ARHGAP22: variants seen among roughly 807,000 people sequenced by gnomAD.
ARHGAP22 encodes the protein rho GTPase-activating protein 22.
Under a neutral mutation model 59.1 loss-of-function variants are expected in ARHGAP22, and 48 were observed. That is an observed-to-expected ratio of 0.81 (90% CI 0.64 to 1.03). The LOEUF (loss-of-function observed/expected upper bound fraction) is 1.03, where lower values mean the gene tolerates loss of function less well. Among genes scored for constraint, ARHGAP22 ranks in the 50% least tolerant of loss-of-function variants. ARHGAP22 has a pLI of 0.00. For synonymous variants in ARHGAP22, 445 were observed against 416.4 expected (o/e 1.07, Z -0.84); for missense variants, 1,015 against 958.7 (o/e 1.06, Z -0.78).
At chr10:48,442,766 G>C (rs1362138617), downstream of ARHGAP22, among the ~76,000 whole-genome samples, 1 of 152,230 alleles carries the variant, frequency 6.6e-6, no homozygotes, top group Non-Finnish European at 1.5e-5. Flanking sequence ...AAGGGAAAGA[G>C]GAAATAATTA....
chr10:48,454,023 T>A, intron 7 of ARHGAP22, 65 bp downstream of exon 7: 1 of 1,511,532 alleles, frequency 6.6e-7, no homozygotes, highest in South Asian at 1.1e-5. Context: ...CGTGTCTCGC[T>A]GTGGGGTTGG....
intron 1 of ARHGAP22, among the ~76,000 whole-genome samples, chr10:48,627,955 C>G (rs2061505671): frequency 6.6e-6 from 1 of 152,224 alleles, no homozygotes. Context: ...GTTCCTTACC[C>G]TGCACAAGAG....
At chr10:48,554,930 A>G (rs932977171) in intron 3 of ARHGAP22, among the ~76,000 whole-genome samples, 2 of 152,176 alleles carry the variant, frequency 1.3e-5, no homozygotes, top group Non-Finnish European at 2.9e-5. Context: ...TGCCATGTAC[A>G]CTGGCTTCTC....
In ARHGAP22 at chr10:48,584,469, C is replaced by G. The variant is rs574467913; in HGVS notation, c.35-1317G>C. On this transcript the variant is annotated intron_variant, in intron 1 of 9. Transcript: ENST00000249601. ...CTCCTCCAAATAGTCACTCCCTCCCCTACCAGGACAGGTGGCCCATGGCTG... is the reference window on the plus strand; with the variant it reads ...CTCCTCCAAATAGTCACTCCCTCCCGTACCAGGACAGGTGGCCCATGGCTG... 9.8e-5 allele frequency among the ~76,000 whole-genome samples: 15 copies of G among 152,340 alleles called. No individual in the cohort carries two copies. In the South Asian group the frequency reaches 3.1e-3, roughly 32 times the overall value.
At chr10:48,455,218 G>T in intron 5 of ARHGAP22, 84 bp from the exon 6 acceptor site, 1 of 1,432,834 alleles carries the variant, frequency 7.0e-7, no homozygotes, top group East Asian at 2.4e-5. Context: ...ACGCCAAGGG[G>T]CAGCCTCTGG....
intron 1 of ARHGAP22, among the ~76,000 whole-genome samples, chr10:48,650,807 T>G (rs1216920856): frequency 6.6e-6 from 1 of 152,116 alleles, no homozygotes; most frequent in East Asian, 1.9e-4. Context: ...AGATATTAGG[T>G]ATTAGGCTTG....
rs528902868 is a variant in ARHGAP22 at position 48,641,692 on chromosome 10, G to T, written c.52+10542C>A. Among the ~76,000 whole-genome samples, 84 of 152,296 alleles carry T rather than the reference G, an allele frequency of 5.5e-4. 1 individual carries two copies. The highest frequency in any genetic ancestry group is 5.1e-4 in the Non-Finnish European group (35 of 68,016). On this transcript the variant is annotated intron_variant, in intron 1 of 9. Coordinates refer to the ARHGAP22 transcript ENST00000435790. ...CCCTTTGAAAACTGGCACAAGACAGGGATGCCCTCTCTCACCACTCCTATT... is the reference window on the plus strand; with the variant it reads ...CCCTTTGAAAACTGGCACAAGACAGTGATGCCCTCTCTCACCACTCCTATT...
intron 3 of ARHGAP22, among the ~76,000 whole-genome samples, chr10:48,539,333 C>G (rs1227873241): frequency 7.3e-6 from 1 of 136,196 alleles, no homozygotes; most frequent in Non-Finnish European, 1.5e-5. Flanking sequence ...GCTCTGTCGC[C>G]CAGGCTGGAG....
chr10:48,596,589 T>C (rs2060080811), intron 1 of ARHGAP22, among the ~76,000 whole-genome samples: 1 of 152,132 alleles, frequency 6.6e-6, no homozygotes, highest in African/African-American at 2.4e-5. Flanking sequence ...TGGCTCCACT[T>C]CCAGGCTTTT....
intron 4 of ARHGAP22, among the ~76,000 whole-genome samples, chr10:48,477,256 A>G (rs568369516): frequency 1.3e-5 from 2 of 152,198 alleles, no homozygotes; most frequent in Non-Finnish European, 2.9e-5. Flanking sequence ...TCAACTTTAT[A>G]TAGGTAGATA....
At chr10:48,544,296 T>C (rs561150595) in intron 3 of ARHGAP22, among the ~76,000 whole-genome samples, 12 of 152,356 alleles carry the variant, frequency 7.9e-5, no homozygotes, top group African/African-American at 2.4e-4. Context: ...GGTTCTTTTA[T>C]TGAGCAAATG....
chr10:48,485,343 C>A (rs1422756346), intron 3 of ARHGAP22, among the ~76,000 whole-genome samples: 1 of 152,102 alleles, frequency 6.6e-6, no homozygotes, highest in Non-Finnish European at 1.5e-5. Context: ...TCTAGTTTCC[C>A]TTTGGATTTC....
chr10:48,533,178 G>GTTTTTTTT (rs762223101), intron 3 of ARHGAP22, among the ~76,000 whole-genome samples: 1 of 135,824 alleles, frequency 7.4e-6, no homozygotes, highest in Non-Finnish European at 1.6e-5. Flanking sequence ...TCATTGTTCT[G>GTTTTTTTT]TTGTTTTTTT....
intron 3 of ARHGAP22, among the ~76,000 whole-genome samples, chr10:48,522,739 G>A (rs1589922229): frequency 6.6e-6 from 1 of 152,292 alleles, no homozygotes; most frequent in East Asian, 1.9e-4. Flanking sequence ...GAAGCCTCAT[G>A]TGCAAAATTC....
intron 8 of ARHGAP22, 72 bp from the exon 9 acceptor site, chr10:48,451,212 A>G: frequency 6.5e-7 from 1 of 1,541,700 alleles, no homozygotes; most frequent in Admixed American, 2.0e-5. Context: ...CCAGTCATGG[A>G]GAAGCTGCAG....
intron 2 of ARHGAP22, among the ~76,000 whole-genome samples, chr10:48,569,388 AC>A (rs996509088): frequency 6.6e-6 from 1 of 151,948 alleles, no homozygotes; most frequent in African/African-American, 2.4e-5. Flanking sequence ...CTTCCAAACC[AC>A]CTCCATTATG....
intron 5 of ARHGAP22, among the ~76,000 whole-genome samples, chr10:48,455,892 G>C (rs952391019): frequency 6.6e-6 from 1 of 152,188 alleles, no homozygotes; most frequent in Non-Finnish European, 1.5e-5. Flanking sequence ...CCACAGTGGT[G>C]ACACCTAGGC....
intron 1 of ARHGAP22, among the ~76,000 whole-genome samples, chr10:48,591,304 C>T (rs895180727): frequency 8.5e-5 from 13 of 152,200 alleles, no homozygotes; most frequent in African/African-American, 2.9e-4. Flanking sequence ...GTTCATTCAT[C>T]GTTAGAGGAG....
At chr10:48,525,522 G>A (rs544464286) in intron 3 of ARHGAP22, among the ~76,000 whole-genome samples, 1 of 152,316 alleles carries the variant, frequency 6.6e-6, no homozygotes, top group Admixed American at 6.5e-5. Flanking sequence ...GCAGTGAGCC[G>A]AGATTCGGCC....
Sources: allele counts gnomAD v4.1 joint callset (sites outside exome capture counted in the v4.1 genomes callset), GRCh38; gene constraint gnomAD v4.1.1; transcripts MANE v1.5; gene names NCBI Gene and HGNC (gene_info 2026-07-23, HGNC 2026-07-21).